Variants in LIMK2 observed in about 807,000 individuals in gnomAD.
LIMK2 encodes the protein LIM domain kinase 2.
Under a neutral mutation model 75.7 loss-of-function variants are expected in LIMK2, and 35 were observed. The observed-to-expected ratio is 0.46, with a 90% CI of 0.35 to 0.61. The LOEUF (loss-of-function observed/expected upper bound fraction) is 0.61, where lower values mean the gene tolerates loss of function less well. Ranked by LOEUF, LIMK2 falls within the 20% of genes least tolerant of loss-of-function variation. The pLI is 0.00. For missense variants in LIMK2, 623 were observed against 831.0 expected, an observed-to-expected ratio of 0.75 and a Z score of 3.08; for synonymous variants, 301 against 319.2, an observed-to-expected ratio of 0.94 and a Z score of 0.61.
At chr22:31,224,611 G>T (rs1453050773) in intron 1 of LIMK2, among the ~76,000 whole-genome samples, 2 of 152,194 alleles carry the variant, frequency 1.3e-5, no homozygotes, top group Non-Finnish European at 2.9e-5. Flanking sequence ...GTCTATGAAA[G>T]CACCTAGCAG....
chr22:31,215,464 A>G (rs1482388323), intron 1 of LIMK2, among the ~76,000 whole-genome samples: 1 of 152,176 alleles, frequency 6.6e-6, no homozygotes, highest in African/African-American at 2.4e-5. Flanking sequence ...GAGATAATGT[A>G]TAGTCTCCTT....
intron 1 of LIMK2, among the ~76,000 whole-genome samples, chr22:31,213,149 C>G (rs1433495715): frequency 2.0e-5 from 3 of 152,126 alleles, no homozygotes; most frequent in Non-Finnish European, 1.5e-5. Flanking sequence ...CTTGGCCTCT[C>G]TAGACTAAAG....
chr22:31,258,702 T>A, intron 3 of LIMK2: 2 of 438,774 alleles, frequency 4.6e-6, no homozygotes, highest in Non-Finnish European at 8.3e-6. Context: ...CCAAGGAGAG[T>A]GTTACAGGCT....
chr22:31,277,602 A>T, intron 15 of LIMK2: 2 of 925,166 alleles, frequency 2.2e-6, no homozygotes, highest in Non-Finnish European at 2.6e-6. Flanking sequence ...GTCATTCTAA[A>T]TATCTTTAAT....
intron 2 of LIMK2, among the ~76,000 whole-genome samples, chr22:31,254,578 G>C (rs1273184999): frequency 6.6e-6 from 1 of 152,234 alleles, no homozygotes; most frequent in Non-Finnish European, 1.5e-5. Context: ...GAACTTCTAA[G>C]TCAGAAGGCA....
At chr22:31,273,031 A>G in intron 13 of LIMK2, 2 of 1,138,046 alleles carry the variant, frequency 1.8e-6, no homozygotes, top group Non-Finnish European at 2.2e-6. Context: ...CCTCTGGTGG[A>G]TAATGCTCAA....
At chr22:31,251,833 A>G (rs2048727700) in intron 2 of LIMK2, among the ~76,000 whole-genome samples, 1 of 152,078 alleles carries the variant, frequency 6.6e-6, no homozygotes, top group South Asian at 2.1e-4. Flanking sequence ...CCCTGGGGAA[A>G]AGTTGGCATC....
chr22:31,253,820 G>A (rs1056675760), intron 2 of LIMK2, among the ~76,000 whole-genome samples: 27 of 152,194 alleles, frequency 1.8e-4, no homozygotes, highest in African/African-American at 6.3e-4. Context: ...TATAAATAAG[G>A]TACCTCATAT....
At chr22:31,276,933 C>T (rs760218319) in intron 15 of LIMK2, 3 of 1,613,582 alleles carry the variant, frequency 1.9e-6, no homozygotes, top group African/African-American at 1.3e-5. Flanking sequence ...TGGAGCAGCT[C>T]ACGCGCCTCT....
chr22:31,224,886 G>C (rs557609701), intron 1 of LIMK2, among the ~76,000 whole-genome samples: 2 of 152,224 alleles, frequency 1.3e-5, no homozygotes, highest in Non-Finnish European at 2.9e-5. Context: ...CAACTGGTAC[G>C]GGTCTGTAGC....
intron 2 of LIMK2, chr22:31,248,506 A>C (rs963553759): frequency 1.9e-6 from 3 of 1,555,634 alleles, no homozygotes; most frequent in Middle Eastern, 1.9e-4. Context: ...CATCCCAGCC[A>C]TGAGCCCCTG....
At position 31,278,337 on chromosome 22, in the gene LIMK2, T is replaced by G. The variant is rs1229079655; in HGVS notation, c.1813T>G (p.Ser605Ala). Residue 605 changes from serine to alanine, a missense_variant, in exon 16 of 16, where the codon TCC becomes GCC. Ser to Ala is a moderately conservative substitution (Grantham distance 99, BLOSUM62 1). This residue lies in a region of LIMK2 where 46 missense variants were observed against 46.9 expected (regional missense o/e 0.98). Coordinates refer to ENST00000331728, the MANE Select transcript of LIMK2 (RefSeq NM_005569.4). ...SKLEDSFEAL[S>A]LYLGELGIPL... Reference sequence around the variant, plus strand: ...ATTGGAGGACTCCTTTGAGGCCCTCTCCCTGTACCTGGGGGAGCTGGGCAT... The same window carrying G: ...ATTGGAGGACTCCTTTGAGGCCCTCGCCCTGTACCTGGGGGAGCTGGGCAT... 6.2e-7 allele frequency: 1 copy of G among 1,613,834 alleles called. No homozygotes were observed. Among genetic ancestry groups the G allele is most frequent in the Non-Finnish European group, 8.5e-7 (1 of 1,179,834 alleles).
intron 2 of LIMK2, among the ~76,000 whole-genome samples, chr22:31,235,390 T>TAAAGC (rs1429812806): frequency 6.6e-6 from 1 of 152,156 alleles, no homozygotes; most frequent in East Asian, 1.9e-4. Flanking sequence ...GGTGATAAGT[T>TAAAGC]AAAGCTTTGT....
rs1568998112 is a variant in LIMK2, at chr22:31,262,758, A to C, written c.821A>C (p.Asn274Thr). 6.2e-7 allele frequency: 1 copy of C among 1,613,478 alleles called. No homozygotes were observed. The highest frequency in any genetic ancestry group is 8.5e-7 in the Non-Finnish European group (1 of 1,179,630). ...HALSTLDTKE[N>T]LEGTLRRRSL... The stretch of plus-strand genomic sequence containing the variant: ...CTCAGCACCCTGGACACCAAGGAGA[A>C]TCTGGAGGGGACACTGAGGAGACGT... The change falls in exon 7 of 16, where the codon AAT becomes ACT. Residue 274 changes from asparagine (N) to threonine (T), a missense_variant. This residue lies in a region of LIMK2 where 514 missense variants were observed against 661.3 expected (regional missense o/e 0.78). Transcript: ENST00000331728. The surrounding 1 kb of genome is among the most constrained non-coding windows in gnomAD (Gnocchi z 5.0).
Position 31,260,011 on chromosome 22 carries a change from G to A in LIMK2, c.485G>A (p.Arg162Lys). 2.5e-6 allele frequency: 4 copies of A among 1,610,872 alleles called. No homozygotes were observed. Among genetic ancestry groups the A allele is most frequent in the Non-Finnish European group, 3.4e-6 (4 of 1,179,176 alleles). Residue 162 changes from arginine to lysine, a missense_variant, in exon 5 of 16, where the codon AGG (arginine) becomes AAG (lysine). By Grantham distance (26) the Arg-to-Lys change is conservative. This residue lies in a region of LIMK2 where 514 missense variants were observed against 661.3 expected (regional missense o/e 0.78). Coordinates refer to ENST00000331728, the MANE Select transcript of LIMK2 (RefSeq NM_005569.4). ...TCCATGCCGGCCACCACTGAAGGCA[G>A]GCGGGGCTTCTCCGTGTCCGTGGAG... is the stretch of plus-strand genomic sequence containing the variant. The part of the protein sequence containing the change: ...LISMPATTEG[R>K]RGFSVSVESA...
At chr22:31,237,009 C>A (rs950540290) in intron 2 of LIMK2, among the ~76,000 whole-genome samples, 2 of 151,834 alleles carry the variant, frequency 1.3e-5, no homozygotes, top group African/African-American at 4.8e-5. Context: ...CGCATGTAAT[C>A]CCAGCACTTT....
intron 1 of LIMK2, among the ~76,000 whole-genome samples, chr22:31,220,829 G>A (rs974074737): frequency 1.3e-4 from 20 of 152,158 alleles, no homozygotes; most frequent in African/African-American, 4.1e-4. Context: ...GGGCGTCGTG[G>A]CGCATGCCCA....
At chr22:31,258,202 T>C (rs976224146) in intron 2 of LIMK2, 89 bp from the exon 3 acceptor site, 13 of 1,372,662 alleles carry the variant, frequency 9.5e-6, no homozygotes, top group Admixed American at 2.2e-5. Flanking sequence ...GGACTGTCCA[T>C]TTTGTTGTCA....
chr22:31,215,429 G>A (rs1307554336), intron 1 of LIMK2, among the ~76,000 whole-genome samples: 2 of 152,168 alleles, frequency 1.3e-5, no homozygotes, highest in Non-Finnish European at 2.9e-5. Flanking sequence ...AATTTTAACA[G>A]GTGTTAGAGC....
Sources: gnomAD v4.1 joint callset for allele counts (sites outside exome capture counted in the v4.1 genomes callset) on GRCh38, gnomAD v4.1.1 for gene constraint, gnomAD v4.1.1 regional missense constraint, Gnocchi (gnomAD v3.1) non-coding constraint, MANE v1.5 for transcripts, NCBI Gene and HGNC (gene_info 2026-07-23, HGNC 2026-07-21) for gene names.